The following ACOXL variants were observed in gnomAD, a reference collection of about 807,000 sequenced individuals.
ACOXL encodes the protein acyl-coenzyme A oxidase-like protein.
Under a neutral mutation model 71.9 loss-of-function variants are expected in ACOXL, and 70 were observed. That is an observed-to-expected ratio of 0.97 (90% confidence interval 0.80 to 1.19). ACOXL has a LOEUF of 1.19. Among genes scored for constraint, ACOXL ranks in the 50% most tolerant of loss-of-function variants. The pLI is 0.00. For missense variants in ACOXL, 703 were observed against 736.3 expected (o/e 0.95, Z 0.52); for synonymous variants, 253 against 281.6 (o/e 0.90, Z 1.02).
At chr2:110,997,071 TAAGAG>T (rs2063429209) in intron 14 of ACOXL, among the ~76,000 whole-genome samples, 1 of 151,966 alleles carries the variant, frequency 6.6e-6, no homozygotes. Context: ...CCAGCCAAAA[TAAGAG>T]ATGGATATAT....
chr2:111,096,947 C>T (rs11691193), intron 17 of ACOXL, among the ~76,000 whole-genome samples: 30,025 of 152,032 alleles, frequency 0.2, 3,234 homozygotes, highest in East Asian at 0.44. Context: ...CAGCTTGTCA[C>T]GGTGAGGATC....
intron 10 of ACOXL, among the ~76,000 whole-genome samples, chr2:110,894,332 C>T (rs374496780): frequency 8.3e-6 from 1 of 120,608 alleles, no homozygotes; most frequent in Non-Finnish European, 1.7e-5. Flanking sequence ...AGGAACAGAC[C>T]AAAAAAAAAA....
At chr2:110,767,843 T>C (rs1441000290) in intron 1 of ACOXL, among the ~76,000 whole-genome samples, 2 of 151,950 alleles carry the variant, frequency 1.3e-5, no homozygotes, top group African/African-American at 4.8e-5. Context: ...CCCAGCACTT[T>C]GGGAGGCCAA....
rs188826847 is a variant in ACOXL at position 110,932,682 on chromosome 2, G to A, written c.906-807G>A. Among the ~76,000 whole-genome samples the A allele has an allele frequency of 3.4e-3, 521 of 152,264 alleles. 4 individuals carry two copies. The highest frequency in any genetic ancestry group is 0.012 in the African/African-American group (481 of 41,548). The stretch of plus-strand genomic sequence containing the variant: ...GTGTGTGGTTAAAAGAAAATAATTT[G>A]GAACCTGATCCTATGTGTGTAGACC... On this transcript the variant is annotated intron_variant, in intron 11 of 17. Transcript: ENST00000439055.
intron 12 of ACOXL, among the ~76,000 whole-genome samples, chr2:110,982,411 C>T (rs2062748539): frequency 6.6e-6 from 1 of 152,078 alleles, no homozygotes; most frequent in South Asian, 2.1e-4. Context: ...TCCTCTATTC[C>T]CCTCCCCTCC....
chr2:111,026,906 C>T (rs552493398), intron 14 of ACOXL, among the ~76,000 whole-genome samples: 4 of 152,072 alleles, frequency 2.6e-5, no homozygotes, highest in Admixed American at 6.6e-5. Flanking sequence ...TTTTTGTTTT[C>T]GTTTTTTTAA....
chr2:110,945,680 C>T (rs1244234079), intron 12 of ACOXL, among the ~76,000 whole-genome samples: 1 of 152,120 alleles, frequency 6.6e-6, no homozygotes, highest in Non-Finnish European at 1.5e-5. Context: ...TCTGGGCTCT[C>T]TATTCTGTTC....
chr2:110,941,093 A>G (rs1018875401), intron 12 of ACOXL, among the ~76,000 whole-genome samples: 1 of 152,206 alleles, frequency 6.6e-6, no homozygotes, highest in African/African-American at 2.4e-5. Context: ...ACTGGTTGGA[A>G]TTTTCATAAT....
intron 10 of ACOXL, among the ~76,000 whole-genome samples, chr2:110,849,048 G>C (rs1692271964): frequency 6.6e-6 from 1 of 152,180 alleles, no homozygotes; most frequent in South Asian, 2.1e-4. Context: ...CCCTCCAACA[G>C]CCCCCCTTTA....
intron 17 of ACOXL, chr2:111,098,510 A>G (rs1184568326): frequency 6.6e-6 from 1 of 152,226 alleles, no homozygotes; most frequent in Non-Finnish European, 1.5e-5. Context: ...GCCATCACAG[A>G]GCAGAAGAGA....
intron 10 of ACOXL, among the ~76,000 whole-genome samples, chr2:110,858,352 C>G (rs539862728): frequency 6.6e-6 from 1 of 152,158 alleles, no homozygotes; most frequent in African/African-American, 2.4e-5. Flanking sequence ...TCCTACTCCC[C>G]GAGACAGACG....
At chr2:111,032,053 T>C (rs141486219) in intron 15 of ACOXL, among the ~76,000 whole-genome samples, 108 of 152,298 alleles carry the variant, frequency 7.1e-4, no homozygotes, top group African/African-American at 2.6e-3. Context: ...CTGACCATGA[T>C]CTCGTTCCTA....
chr2:110,863,755 G>A (rs1694230704), intron 10 of ACOXL, among the ~76,000 whole-genome samples: 1 of 152,158 alleles, frequency 6.6e-6, no homozygotes, highest in African/African-American at 2.4e-5. Flanking sequence ...CTTTATGTGA[G>A]TGTGGTTTCT....
At chr2:110,925,568 G>C (rs925132827) in intron 11 of ACOXL, among the ~76,000 whole-genome samples, 1 of 152,206 alleles carries the variant, frequency 6.6e-6, no homozygotes, top group Non-Finnish European at 1.5e-5. Flanking sequence ...CTCAGCCTTT[G>C]TAGAATTGAA....
chr2:111,102,055 TCTC>T (rs1296065105), intron 17 of ACOXL: 1 of 152,528 alleles, frequency 6.6e-6, no homozygotes, highest in Non-Finnish European at 1.5e-5. Flanking sequence ...TGTTCCACCT[TCTC>T]CTCCCAGTGC....
At chr2:110,872,748 T>C (rs1013115327) in intron 10 of ACOXL, among the ~76,000 whole-genome samples, 1 of 152,218 alleles carries the variant, frequency 6.6e-6, no homozygotes, top group Non-Finnish European at 1.5e-5. Context: ...AGAGTGATGC[T>C]TGACTGTAAT....
intron 1 of ACOXL, among the ~76,000 whole-genome samples, chr2:110,755,586 ATAT>A (rs910264801): frequency 6.6e-6 from 1 of 152,196 alleles, no homozygotes; most frequent in Non-Finnish European, 1.5e-5. Flanking sequence ...AGCAATTTAG[ATAT>A]TATTATTATG....
At chr2:110,794,579 A>G (rs1176734834) in intron 5 of ACOXL, among the ~76,000 whole-genome samples, 1 of 152,172 alleles carries the variant, frequency 6.6e-6, no homozygotes, top group Non-Finnish European at 1.5e-5. Flanking sequence ...GGAGGGCACT[A>G]TGCTGGGGCC....
chr2:110,938,002 A>G (rs1482173177), intron 12 of ACOXL, among the ~76,000 whole-genome samples: 2 of 152,164 alleles, frequency 1.3e-5, no homozygotes, highest in African/African-American at 2.4e-5. Context: ...GAGATACCAC[A>G]TGGTCTCTTT....
Sources: allele counts gnomAD v4.1 joint callset (sites outside exome capture counted in the v4.1 genomes callset), GRCh38; gene constraint gnomAD v4.1.1; transcripts MANE v1.5; gene names NCBI Gene and HGNC (gene_info 2026-07-23, HGNC 2026-07-21).